TBC1D32: variants seen among roughly 807,000 people sequenced by gnomAD.
TBC1D32 encodes TBC1 domain family member 32, also known as protein broad-minded.
Under a neutral mutation model 170.3 loss-of-function variants are expected in TBC1D32, and 151 were observed. The observed-to-expected ratio is 0.89, with a 90% confidence interval of 0.78 to 1.01. TBC1D32 has a LOEUF of 1.01. Ranked by LOEUF, TBC1D32 falls within the 50% of genes least tolerant of loss-of-function variation. The pLI, the probability that TBC1D32 is intolerant of heterozygous loss-of-function variation, is 0.00. For missense variants in TBC1D32, 1,464 were observed against 1,457.1 expected (o/e 1.00, Z -0.08); for synonymous variants, 498 against 488.0 (o/e 1.02, Z -0.27).
chr6:121,250,637 A>G (rs554299174), intron 17 of TBC1D32, among the ~76,000 whole-genome samples: 4 of 152,230 alleles, frequency 2.6e-5, no homozygotes, highest in Non-Finnish European at 5.9e-5. Context: ...ATCATACTGA[A>G]TGGGCAAAAA....
In TBC1D32 at chr6:121,101,108, C is replaced by A. The variant is rs868050383; in HGVS notation, c.3465+4915G>T. ...AGGCAATAATTAATAGCTTACCAAC[C>A]AAAAAAAGTCCAGGACCAGATGGAT... On this transcript the variant is annotated intron_variant, in intron 30 of 31. Coordinates refer to ENST00000398212, the MANE Select transcript of TBC1D32 (RefSeq NM_152730.6). Among the ~76,000 whole-genome samples, 59 of 151,914 alleles carry A rather than the reference C, an allele frequency of 3.9e-4. No individual in the cohort carries two copies. The Middle Eastern group carries it at 0.017, about 44-fold the overall frequency.
chr6:121,207,556 A>G (rs1202359233), intron 21 of TBC1D32, among the ~76,000 whole-genome samples: 3 of 152,198 alleles, frequency 2.0e-5, no homozygotes, highest in Non-Finnish European at 4.4e-5. Context: ...GAAAAAAACA[A>G]AACTCCTGGG....
rs562214495 is a variant in TBC1D32, at chr6:121,105,408, A to G, written c.3465+615T>C. Among the ~76,000 whole-genome samples the G allele has an allele frequency of 3.9e-5, 6 of 152,064 alleles. No homozygotes were observed. In the South Asian group the frequency reaches 1.2e-3, roughly 32 times the overall value. ...TCTCTGCTCTCTCAGACCCTGACCT[A>G]AAGATTTAATTCTAAAGAGAGATGA... On this transcript the variant is annotated intron_variant, in intron 30 of 31. Coordinates refer to ENST00000398212, the MANE Select transcript of TBC1D32 (RefSeq NM_152730.6).
At chr6:121,131,865 C>T in intron 24 of TBC1D32, 113 bp from the exon 25 acceptor site, 1 of 671,308 alleles carries the variant, frequency 1.5e-6, no homozygotes, top group African/African-American at 1.8e-5. Flanking sequence ...ATATGGCTTT[C>T]AAAGGAAAAC....
chr6:121,293,167 T>C (rs1377921730), intron 11 of TBC1D32, among the ~76,000 whole-genome samples: 1 of 149,984 alleles, frequency 6.7e-6, no homozygotes, highest in Non-Finnish European at 1.5e-5. Flanking sequence ...CACCCTGAGG[T>C]CTTTAGTAGA....
intron 24 of TBC1D32, among the ~76,000 whole-genome samples, chr6:121,147,641 G>C (rs553026424): frequency 1.2e-4 from 18 of 151,986 alleles, no homozygotes; most frequent in African/African-American, 4.1e-4. Flanking sequence ...ACCCAGGCTG[G>C]AGTGCAGTGG....
At chr6:121,217,249 G>A (rs971340752) in intron 21 of TBC1D32, among the ~76,000 whole-genome samples, 14 of 152,154 alleles carry the variant, frequency 9.2e-5, no homozygotes, top group African/African-American at 2.4e-4. Context: ...CTTTATCTCC[G>A]TTCCTGTCCA....
chr6:121,157,967 T>C (rs1397358802), intron 24 of TBC1D32, among the ~76,000 whole-genome samples: 1 of 152,116 alleles, frequency 6.6e-6, no homozygotes, highest in Non-Finnish European at 1.5e-5. Flanking sequence ...GTAAATCTGA[T>C]GATGATGTGC....
chr6:121,218,943 C>T (rs1157974361), intron 21 of TBC1D32, among the ~76,000 whole-genome samples: 1 of 152,174 alleles, frequency 6.6e-6, no homozygotes, highest in Admixed American at 6.5e-5. Flanking sequence ...TGAGTCTCCC[C>T]AGCCATGCTG....
chr6:121,223,350 A>G lies in TBC1D32; in HGVS notation c.2367T>C (p.Ser789=), dbSNP rs765758896. The change falls in exon 21 of 32, where the codon TCT becomes TCC. Residue 789 remains serine, a splice_region_variant and synonymous_variant. Transcript: ENST00000398212. ...ATAACAAGTTCACCAGTGCTAAAAA[A>G]GACTAGAGGGAAAGAAAACAGTCAT... is the stretch of plus-strand genomic sequence containing the variant. ...VDPIDRSCQK[S]FLALVNLLSY... is the part of the protein sequence containing the mutation. 1.3e-6 allele frequency: 2 copies of G among 1,573,444 alleles called. No individual in the cohort carries two copies. The highest frequency in any genetic ancestry group is 1.7e-6 in the Non-Finnish European group (2 of 1,157,020).
chr6:121,275,325 G>A (rs1200846123), intron 15 of TBC1D32, among the ~76,000 whole-genome samples: 1 of 152,184 alleles, frequency 6.6e-6, no homozygotes, highest in East Asian at 1.9e-4. Context: ...TAGAGAGCAA[G>A]AAAGGAACTG....
At position 121,206,429 on chromosome 6, in the gene TBC1D32, TAA is replaced by T. The variant is rs565151760; in HGVS notation, c.2482-1268_2482-1267del. On this transcript the variant is annotated intron_variant, in intron 21 of 31. Coordinates refer to ENST00000398212, the MANE Select transcript of TBC1D32 (RefSeq NM_152730.6). ...AAAGAAGAAAGGTTTTGCTAGGGAG[TAA>T]AGTCACATAATATTTATTGAGGAAT... Among the ~76,000 whole-genome samples, 250 of 152,140 alleles carry T rather than the reference TAA, an allele frequency of 1.6e-3. 1 individual carries two copies. Among genetic ancestry groups the T allele is most frequent in the Middle Eastern group, 0.014 (4 of 294 alleles).
At chr6:121,114,494 C>T (rs1779500093) in intron 27 of TBC1D32, among the ~76,000 whole-genome samples, 1 of 152,106 alleles carries the variant, frequency 6.6e-6, no homozygotes, top group Admixed American at 6.6e-5. Context: ...TTAAGAGAAT[C>T]ATATGCCCTA....
chr6:121,327,682 T>C (rs997749290), intron 1 of TBC1D32, among the ~76,000 whole-genome samples: 2 of 152,240 alleles, frequency 1.3e-5, no homozygotes, highest in Non-Finnish European at 2.9e-5. Context: ...AAAGCTTCTA[T>C]ATAGTTCCAG....
chr6:121,297,141 C>T (rs2128470345), intron 10 of TBC1D32, among the ~76,000 whole-genome samples: 1 of 152,138 alleles, frequency 6.6e-6, no homozygotes, highest in East Asian at 1.9e-4. Context: ...CATTACATGA[C>T]ATCCCTTTAA....
chr6:121,277,721 A>T (rs1802423803), intron 15 of TBC1D32, among the ~76,000 whole-genome samples: 1 of 151,762 alleles, frequency 6.6e-6, no homozygotes, highest in Admixed American at 6.6e-5. Context: ...GAAAACTAGG[A>T]AGAGAAAATT....
At chr6:121,334,520 C>G, upstream of TBC1D32, 2 of 1,430,894 alleles carry the variant, frequency 1.4e-6, no homozygotes, top group East Asian at 5.2e-5. Flanking sequence ...CACCCAGCCC[C>G]GGCTACGTGC....
chr6:121,242,254 C>G lies in TBC1D32; in HGVS notation c.2104G>C (p.Ala702Pro). 2 of 1,612,346 alleles carry G rather than the reference C, an allele frequency of 1.2e-6. No homozygotes were observed. The highest frequency in any genetic ancestry group is 8.5e-7 in the Non-Finnish European group (1 of 1,179,092). ...ATAAATGTCACACATTCATTGATAG[C>G]ACCTGTTCTTTGAAGAAGTAGTAAT... The part of the protein sequence containing the change: ...KGLLLLQRTG[A>P]INECVTFIFN... The change falls in exon 18 of 32, where the codon GCT (alanine) becomes CCT (proline). Residue 702 changes from alanine to proline, a missense_variant. By Grantham distance (27) the Ala-to-Pro change is conservative. Transcript: ENST00000398212.
At chr6:121,100,585 CA>C (rs1777922059) in intron 30 of TBC1D32, among the ~76,000 whole-genome samples, 1 of 152,022 alleles carries the variant, frequency 6.6e-6, no homozygotes, top group African/African-American at 2.4e-5. Flanking sequence ...ACATTTAAAG[CA>C]GTGTGTAGAG....
Sources: allele counts gnomAD v4.1 joint callset (sites outside exome capture counted in the v4.1 genomes callset), GRCh38; gene constraint gnomAD v4.1.1; transcripts MANE v1.5; gene names NCBI Gene and HGNC (gene_info 2026-07-23, HGNC 2026-07-21).